SIPA1L1: variants seen among roughly 807,000 people sequenced by gnomAD.
The protein encoded by SIPA1L1 is signal induced proliferation associated 1 like 1.
In SIPA1L1, 26 loss-of-function variants were observed where a neutral mutation model predicts 162.7. The observed-to-expected ratio is 0.16, with a 90% confidence interval of 0.12 to 0.22. The LOEUF is 0.22. SIPA1L1 is among the 10% of genes least tolerant of loss of function. The pLI is 1.00. For synonymous variants in SIPA1L1, 829 were observed against 837.4 expected (o/e 0.99, Z 0.17); for missense variants, 1,874 against 2,241.0 (o/e 0.84, Z 3.31).
chr14:71,475,305 A>G (rs926749259), intron 2 of SIPA1L1, among the ~76,000 whole-genome samples: 2 of 152,236 alleles, frequency 1.3e-5, no homozygotes, highest in African/African-American at 4.8e-5. Flanking sequence ...AGCTAAACAC[A>G]TCAAGAAGCA....
chr14:71,696,566 G>C (rs371740873), intron 13 of SIPA1L1, among the ~76,000 whole-genome samples: 1 of 152,202 alleles, frequency 6.6e-6, no homozygotes, highest in African/African-American at 2.4e-5. Context: ...CCCCACCATA[G>C]TTGAGAACTC....
At position 71,545,581 on chromosome 14, in the gene SIPA1L1, G is replaced by T. The variant is rs189761998; in HGVS notation, c.-303+16211G>T. 2.6e-3 allele frequency among the ~76,000 whole-genome samples: 397 copies of T among 151,280 alleles called. 3 individuals are homozygous for T. Among genetic ancestry groups the T allele is most frequent in the Non-Finnish European group, 2.8e-3 (190 of 67,614 alleles). On this transcript the variant is annotated intron_variant, in intron 4 of 23. Transcript: ENST00000381232. ...AATTCAGTTGCTAGTTCTAATTTGT[G>T]TGTGTGTGTGTGTGTGTGTGTAGTT... is the stretch of plus-strand genomic sequence containing the variant.
intron 12 of SIPA1L1, among the ~76,000 whole-genome samples, chr14:71,681,215 T>A (rs1341531727): frequency 1.3e-5 from 2 of 152,132 alleles, no homozygotes; most frequent in Non-Finnish European, 2.9e-5. Context: ...ATGCAGGAAT[T>A]GCCTGATTCT....
At chr14:71,472,665 G>A (rs1357197508) in intron 2 of SIPA1L1, among the ~76,000 whole-genome samples, 1 of 151,462 alleles carries the variant, frequency 6.6e-6, no homozygotes, top group Non-Finnish European at 1.5e-5. Context: ...AACATGTTCA[G>A]TTTAAATAAA....
chr14:71,661,543 T>C, intron 10 of SIPA1L1, 76 bp downstream of exon 10: 1 of 1,472,310 alleles, frequency 6.8e-7, no homozygotes, highest in East Asian at 2.3e-5. Flanking sequence ...CAGCTCTGCA[T>C]TCTAAAGTGG....
At chr14:71,648,308 A>G (rs777632726) in intron 7 of SIPA1L1, among the ~76,000 whole-genome samples, 7 of 152,136 alleles carry the variant, frequency 4.6e-5, no homozygotes, top group Non-Finnish European at 1.0e-4. Flanking sequence ...AAATATATAT[A>G]TATATCCAGG....
intron 5 of SIPA1L1, among the ~76,000 whole-genome samples, chr14:71,592,270 C>T (rs985804328): frequency 6.6e-6 from 1 of 152,144 alleles, no homozygotes; most frequent in Non-Finnish European, 1.5e-5. Context: ...GATAATATAC[C>T]ACAAATAGTG....
intron 1 of SIPA1L1, 115 bp from the exon 2 acceptor site, chr14:71,321,007 G>T (rs2032742215): frequency 6.6e-6 from 1 of 152,106 alleles, no homozygotes; most frequent in African/African-American, 2.4e-5. Context: ...GCCTCCCTCG[G>T]GCCCCCCTCC....
At chr14:71,417,213 A>G (rs1334441016) in intron 2 of SIPA1L1, among the ~76,000 whole-genome samples, 2 of 152,146 alleles carry the variant, frequency 1.3e-5, no homozygotes, top group Non-Finnish European at 2.9e-5. Context: ...AGAAAATGTT[A>G]TTAAGAAAAT....
chr14:71,346,188 G>T (rs1260243076), intron 2 of SIPA1L1, among the ~76,000 whole-genome samples: 1 of 152,300 alleles, frequency 6.6e-6, no homozygotes, highest in Admixed American at 6.5e-5. Context: ...TTATAGGTGT[G>T]AGCCACCGCA....
chr14:71,355,204 G>A (rs761055879), intron 2 of SIPA1L1, among the ~76,000 whole-genome samples: 2 of 152,224 alleles, frequency 1.3e-5, no homozygotes, highest in Non-Finnish European at 2.9e-5. Context: ...TTAAGGACCA[G>A]TATTATTAAC....
At chr14:71,477,356 G>C (rs565351150) in intron 2 of SIPA1L1, among the ~76,000 whole-genome samples, 2 of 152,018 alleles carry the variant, frequency 1.3e-5, no homozygotes, top group African/African-American at 4.8e-5. Flanking sequence ...TTTTCTCTCT[G>C]TAAGAAAAAA....
Position 71,365,752 on chromosome 14 carries a change from G to T in SIPA1L1, c.-465+44571G>T, listed in dbSNP as rs543460004. Among the ~76,000 whole-genome samples the T allele has an allele frequency of 8.7e-5, 13 of 149,676 alleles. No homozygotes were observed. In the South Asian group the frequency reaches 2.5e-3, roughly 29 times the overall value. On this transcript the variant is annotated intron_variant, in intron 2 of 23. Coordinates refer to ENST00000381232, the MANE Select transcript of SIPA1L1 (RefSeq NM_001386936.1). ...AGTATTTTTTTTTTTTTTTAGCAGG[G>T]TCTGGCTCTGTCACCCAGGCTGTCG... is the stretch of plus-strand genomic sequence containing the variant.
At chr14:71,630,821 C>T (rs1489760104) in intron 7 of SIPA1L1, among the ~76,000 whole-genome samples, 1 of 151,812 alleles carries the variant, frequency 6.6e-6, no homozygotes, top group Non-Finnish European at 1.5e-5. Flanking sequence ...TATGCAGATA[C>T]CACCAAATAT....
chr14:71,446,906 G>GTT (rs1189940440), intron 2 of SIPA1L1, among the ~76,000 whole-genome samples: 6,992 of 52,578 alleles, frequency 0.13, 848 homozygotes, highest in South Asian at 0.19. Context: ...TTTTTTTTTT[G>GTT]TTTTTTTTTT....
chr14:71,573,636 A>G (rs1242071623), intron 4 of SIPA1L1: 1 of 456,740 alleles, frequency 2.2e-6, no homozygotes, highest in Admixed American at 2.3e-5. Flanking sequence ...GCTTTCAACA[A>G]CTATGCATTT....
intron 2 of SIPA1L1, among the ~76,000 whole-genome samples, chr14:71,386,562 A>T (rs973525007): frequency 6.6e-6 from 1 of 152,200 alleles, no homozygotes; most frequent in Non-Finnish European, 1.5e-5. Flanking sequence ...TATATGGTAG[A>T]TGCACAGTAA....
chr14:71,618,023 A>G (rs2148475859), intron 5 of SIPA1L1, among the ~76,000 whole-genome samples: 1 of 152,258 alleles, frequency 6.6e-6, no homozygotes, highest in Admixed American at 6.5e-5. Flanking sequence ...TTCTTTTTGC[A>G]AGAGAAAGGT....
intron 7 of SIPA1L1, among the ~76,000 whole-genome samples, chr14:71,625,873 T>C (rs2039928682): frequency 6.6e-6 from 1 of 152,238 alleles, no homozygotes; most frequent in Non-Finnish European, 1.5e-5. Context: ...TTGTTTTAAC[T>C]ATATTAAATA....
Sources: gnomAD v4.1 joint callset for allele counts (sites outside exome capture counted in the v4.1 genomes callset) on GRCh38, gnomAD v4.1.1 for gene constraint, MANE v1.5 for transcripts, NCBI Gene and HGNC (gene_info 2026-07-23, HGNC 2026-07-21) for gene names.